The following SPARCL1 variants were observed in gnomAD, a reference collection of about 807,000 sequenced individuals.
SPARCL1 encodes the protein SPARC like 1, also known as SPARC-like protein 1.
SPARCL1 carries 52 observed loss-of-function variants against 67.1 expected under a neutral mutation model. That is an observed-to-expected ratio of 0.78 (90% CI 0.62 to 0.98). The LOEUF is 0.98. SPARCL1 is among the 50% of genes least tolerant of loss of function. The probability of loss-of-function intolerance (pLI) is 0.00; values close to 1 mark genes in which losing one functional copy is unlikely to be tolerated. For missense variants in SPARCL1, 717 were observed against 782.4 expected (o/e 0.92, Z 1.00); for synonymous variants, 226 against 267.8 (o/e 0.84, Z 1.52).
At chr4:87,496,543 A>G (rs1724627799) in intron 2 of SPARCL1, among the ~76,000 whole-genome samples, 1 of 152,116 alleles carries the variant, frequency 6.6e-6, no homozygotes, top group African/African-American at 2.4e-5. Context: ...CTACCCTGCC[A>G]TCTCTCAAGG....
At chr4:87,478,438 CA>C (rs1406770077) in intron 10 of SPARCL1, among the ~76,000 whole-genome samples, 8 of 137,162 alleles carry the variant, frequency 5.8e-5, no homozygotes, top group African/African-American at 1.9e-4. Context: ...GAACATCTTT[CA>C]TTTTTTTTTT....
chr4:87,497,153 A>G lies in SPARCL1; in HGVS notation c.55-2026T>C, dbSNP rs149429664. ...CACCTTGGCCTCCCAAAGTGCTGGG[A>G]TTACAGATGTGAGCCACGGCTTCTG... On this transcript the variant is annotated intron_variant, in intron 2 of 10. Coordinates refer to ENST00000282470, the MANE Select transcript of SPARCL1 (RefSeq NM_004684.6). The G allele has an allele frequency of 2.3e-3, 2,268 of 965,284 alleles. 34 individuals are homozygous for G. The African/African-American group carries it at 0.031, about 13-fold the overall frequency. 59.8% of individuals were successfully genotyped at this position (965,284 alleles called of 1,614,324 possible).
intron 7 of SPARCL1, among the ~76,000 whole-genome samples, chr4:87,489,105 G>C (rs1304967720): frequency 2.0e-5 from 3 of 152,132 alleles, no homozygotes; most frequent in Non-Finnish European, 4.4e-5. Flanking sequence ...GAACAGTTCT[G>C]TCTTGCTGGC....
chr4:87,513,548 G>T (rs1024417256), intron 1 of SPARCL1, among the ~76,000 whole-genome samples: 5 of 152,182 alleles, frequency 3.3e-5, no homozygotes, highest in African/African-American at 1.2e-4. Context: ...CTTGCAAGGT[G>T]AGGTGAGGAA....
At chr4:87,502,303 T>C (rs1724885949) in intron 1 of SPARCL1, among the ~76,000 whole-genome samples, 1 of 152,186 alleles carries the variant, frequency 6.6e-6, no homozygotes, top group South Asian at 2.1e-4. Context: ...TTGGGAACAG[T>C]GTCTTCTTTC....
chr4:87,506,445 C>T (rs1725074915), intron 1 of SPARCL1, among the ~76,000 whole-genome samples: 1 of 152,164 alleles, frequency 6.6e-6, no homozygotes, highest in African/African-American at 2.4e-5. Flanking sequence ...AAGCAGATTG[C>T]TCTACCCAAT....
chr4:87,490,998 G>A, intron 5 of SPARCL1, 120 bp from the exon 6 acceptor site: 1 of 589,356 alleles, frequency 1.7e-6, no homozygotes, highest in Non-Finnish European at 2.9e-6. Context: ...CTTGAAATTT[G>A]CAAATTTGGA....
intron 7 of SPARCL1, among the ~76,000 whole-genome samples, chr4:87,483,014 A>C (rs10461162): frequency 0.18 from 26,772 of 151,908 alleles, 3,074 homozygotes; most frequent in African/African-American, 0.32. Context: ...CAATCCTGCT[A>C]CAAGTCCAAT....
intron 10 of SPARCL1, among the ~76,000 whole-genome samples, chr4:87,475,972 T>G (rs892581993): frequency 8.5e-5 from 13 of 152,194 alleles, no homozygotes; most frequent in African/African-American, 3.1e-4. Context: ...ATAAAATCAA[T>G]GTAGGTGCCC....
At chr4:87,511,742 G>T (rs1406414988) in intron 1 of SPARCL1, among the ~76,000 whole-genome samples, 4 of 152,094 alleles carry the variant, frequency 2.6e-5, no homozygotes, top group Non-Finnish European at 5.9e-5. Context: ...CTCAGGGAGA[G>T]CAGTTTTGTT....
chr4:87,474,839 T>G (rs1485336473), intron 10 of SPARCL1, among the ~76,000 whole-genome samples: 1 of 150,206 alleles, frequency 6.7e-6, no homozygotes, highest in Admixed American at 6.7e-5. Flanking sequence ...GCCTCCCGGG[T>G]TCACGCCATT....
chr4:87,479,538 G>A lies in SPARCL1; in HGVS notation c.1858C>T (p.Leu620=). The change falls in exon 10 of 11, where the codon CTG becomes TTG. Residue 620 remains leucine, a synonymous_variant. Coordinates refer to ENST00000282470, the MANE Select transcript of SPARCL1 (RefSeq NM_004684.6). ...GTTATGCAGTGTTCCATGGGCACCA[G>A]AGATGCTCGCAGAGGAGCAAGTTCA... The part of the protein sequence containing the change: ...HSELAPLRAS[L]VPMEHCITRF... The A allele has an allele frequency of 6.2e-7, 1 of 1,614,118 alleles. No individual in the cohort carries two copies. The highest frequency in any genetic ancestry group is 8.5e-7 in the Non-Finnish European group (1 of 1,179,984).
At chr4:87,482,642 C>A (rs527731800) in intron 7 of SPARCL1, 82 bp from the exon 8 acceptor site, 26 of 1,471,758 alleles carry the variant, frequency 1.8e-5, no homozygotes, top group Non-Finnish European at 2.4e-5. Context: ...AGCTTAACGA[C>A]TTCTGGCAAC....
chr4:87,490,477 T>C, intron 6 of SPARCL1, 84 bp from the exon 7 acceptor site: 1 of 1,457,946 alleles, frequency 6.9e-7, no homozygotes, highest in Non-Finnish European at 9.2e-7. Flanking sequence ...CATATGCTGA[T>C]AACAGCGCTG....
chr4:87,508,020 G>A (rs1348523256), intron 1 of SPARCL1, among the ~76,000 whole-genome samples: 1 of 152,218 alleles, frequency 6.6e-6, no homozygotes, highest in East Asian at 1.9e-4. Context: ...CACCCTCTAG[G>A]AACCTCCATA....
At position 87,520,060 on chromosome 4, in the gene SPARCL1, T is replaced by A. The variant is rs141781639; in HGVS notation, c.-12+8985A>T. ...TTCAAGACCAGCCCAGCCAACATGG[T>A]GAAACCTCATCTCTACTAAAAATAC... On this transcript the variant is annotated intron_variant, in intron 1 of 10. Transcript: ENST00000282470. 8.1e-3 allele frequency among the ~76,000 whole-genome samples: 1,228 copies of A among 152,040 alleles called. 12 individuals are homozygous for A. The highest frequency in any genetic ancestry group is 0.028 in the African/African-American group (1,165 of 41,468).
At chr4:87,511,051 A>G (rs1208511596) in intron 1 of SPARCL1, among the ~76,000 whole-genome samples, 4 of 152,270 alleles carry the variant, frequency 2.6e-5, no homozygotes, top group East Asian at 1.9e-4. Context: ...GGCTGAGTAA[A>G]CAAGGCACCC....
intron 4 of SPARCL1, among the ~76,000 whole-genome samples, chr4:87,491,940 ACCC>A (rs1724353781): frequency 9.6e-5 from 1 of 10,428 alleles, no homozygotes; most frequent in African/African-American, 5.3e-4. Context: ...CTCCATCTCT[ACCC>A]ACCCCCCCCC....
chr4:87,494,149 G>T lies in SPARCL1; in HGVS notation c.651C>A (p.Asn217Lys), dbSNP rs1724501025. Residue 217 changes from asparagine (N) to lysine (K), a missense_variant, in exon 4 of 11, where the codon AAC becomes AAA. Asn to Lys is a moderately conservative substitution (Grantham distance 94). Transcript: ENST00000282470. ...EPGEVGTHND[N>K]QERKTELPRE... ...TGGGCAATTCTGTCTTTCTTTCTTG[G>T]TTATCATTGTGGGTACCAACTTCAC... The T allele has an allele frequency of 1.2e-6, 2 of 1,613,414 alleles. No homozygotes were observed. The highest frequency in any genetic ancestry group is 1.1e-5 in the South Asian group (1 of 91,056).
Sources: gnomAD v4.1 joint callset for allele counts (sites outside exome capture counted in the v4.1 genomes callset) on GRCh38, gnomAD v4.1.1 for gene constraint, MANE v1.5 for transcripts, NCBI Gene and HGNC (gene_info 2026-07-23, HGNC 2026-07-21) for gene names.